PCDHB8: variants seen among roughly 807,000 people sequenced by gnomAD.
PCDHB8 encodes the protein protocadherin beta-8.
For missense variants in PCDHB8, 836 were observed against 1,004.0 expected (o/e 0.83, Z 2.26); for synonymous variants, 385 against 448.5 (o/e 0.86, Z 1.79).
chr5:141,180,088 ACT>A lies in PCDHB8; in HGVS notation c.2060_2061del (p.Leu687HisfsTer29), dbSNP rs1563928993. 4 of 1,607,528 alleles carry A rather than the reference ACT, an allele frequency of 2.5e-6. No homozygotes were observed. In the South Asian group the frequency reaches 3.3e-5, roughly 13 times the overall value. On this transcript the variant is annotated frameshift_variant, in exon 1 of 1. Transcript: ENST00000239444. LOFTEE classifies it low-confidence loss of function (END_TRUNC). ...GCTGCCCCAGCCCAGGGCCAGGCCGACTCTCTCACCGTCTACCTGGTGGTGGC... is the reference window on the plus strand; with the variant it reads ...GCTGCCCCAGCCCAGGGCCAGGCCGACTCTCACCGTCTACCTGGTGGTGGC...
At position 141,179,248 on chromosome 5, in the gene PCDHB8, T is replaced by A; in HGVS notation, c.1214T>A (p.Leu405Gln). The A allele has an allele frequency of 1.2e-6, 2 of 1,614,184 alleles. No individual in the cohort carries two copies. The highest frequency in any genetic ancestry group is 1.7e-6 in the Non-Finnish European group (2 of 1,180,006). Residue 405 changes from leucine (L) to glutamine (Q), a missense_variant, in exon 1 of 1, where the codon CTA becomes CAA. Leu to Gln is a moderately radical substitution (Grantham distance 113). Coordinates refer to ENST00000239444, the MANE Select transcript of PCDHB8 (RefSeq NM_019120.5). Reference sequence around the variant, plus strand: ...TCTGTGGGGAACTTTTACACCCTACTAACAGAGACACCACTAGACAGAGAA... The same window carrying A: ...TCTGTGGGGAACTTTTACACCCTACAAACAGAGACACCACTAGACAGAGAA... ...KSSVGNFYTLLTETPLDRESR... is the reference protein window; with the variant it reads ...KSSVGNFYTLQTETPLDRESR...
At position 141,177,956 on chromosome 5, in the gene PCDHB8, G is replaced by T. The variant is rs1349968631; in HGVS notation, c.-79G>T. 6.2e-7 allele frequency: 1 copy of T among 1,606,956 alleles called. No homozygotes were observed. Among genetic ancestry groups the T allele is most frequent in the African/African-American group, 1.4e-5 (1 of 73,868 alleles). On this transcript the variant is annotated 5_prime_UTR_variant, in exon 1 of 1. The change creates a premature stop within an existing upstream ORF in the 5' untranslated region. Transcript: ENST00000239444. ...CTGGCATATTTCTGAGGTATCTGTA[G>T]AAAACCACAGCCTCAGATACTGGGG... is the stretch of plus-strand genomic sequence containing the variant.
Position 141,180,144 on chromosome 5 carries a change from T to G in PCDHB8, c.2110T>G (p.Phe704Val), listed in dbSNP as rs112099599. 6.2e-7 allele frequency: 1 copy of G among 1,611,334 alleles called. No homozygotes were observed. The highest frequency in any genetic ancestry group is 8.5e-7 in the Non-Finnish European group (1 of 1,179,794). The change falls in exon 1 of 1, where the codon TTC becomes GTC. Residue 704 changes from phenylalanine (F) to valine (V), a missense_variant. By Grantham distance (50) the Phe-to-Val change is conservative. Coordinates refer to ENST00000239444, the MANE Select transcript of PCDHB8 (RefSeq NM_019120.5). ...GGCCTCGGTGTCTTCGCTCTTCCTC[T>G]TCTCGGTGCTCCTGTTCGTGGCGGT... ...ALASVSSLFL[F>V]SVLLFVAVLL... is the part of the protein sequence containing the mutation.
chr5:141,180,425 C>T lies in PCDHB8; in HGVS notation c.2391C>T (p.Ser797=), dbSNP rs374946875. ...NSNFRNGFGF[S]LQLK ...ACTTTAGGAATGGCTTTGGTTTCAGCCTTCAGTTAAAGTAATTGATTTCAT... is the reference window on the plus strand; with the variant it reads ...ACTTTAGGAATGGCTTTGGTTTCAGTCTTCAGTTAAAGTAATTGATTTCAT... The change falls in exon 1 of 1, where the codon AGC becomes AGT. Residue 797 remains serine, a synonymous_variant. Transcript: ENST00000239444. 6.3e-7 allele frequency: 1 copy of T among 1,582,666 alleles called. No individual in the cohort carries two copies. The highest frequency in any genetic ancestry group is 8.6e-7 in the Non-Finnish European group (1 of 1,160,064).
Position 141,179,605 on chromosome 5 carries a change from C to A in PCDHB8, c.1571C>A (p.Ala524Asp), listed in dbSNP as rs782403009. The change falls in exon 1 of 1, where the codon GCC (alanine) becomes GAC (aspartate). Residue 524 changes from alanine to aspartate, a missense_variant. Transcript: ENST00000239444. ...LFALRSLDYEALQAFEFRVGA... is the reference protein window; with the variant it reads ...LFALRSLDYEDLQAFEFRVGA... ...GCCCTCAGGTCGCTGGACTACGAGG[C>A]CCTGCAGGCGTTCGAGTTCCGGGTG... The A allele has an allele frequency of 1.9e-6, 3 of 1,613,410 alleles. No individual in the cohort carries two copies. The highest frequency in any genetic ancestry group is 2.5e-6 in the Non-Finnish European group (3 of 1,179,948).
Position 141,178,937 on chromosome 5 carries a change from A to T in PCDHB8, c.903A>T (p.Glu301Asp), listed in dbSNP as rs1554281052. The change falls in exon 1 of 1, where the codon GAA becomes GAT. Residue 301 changes from glutamate to aspartate, a missense_variant. Physicochemically the swap from Glu to Asp is conservative, Grantham distance 45. Coordinates refer to ENST00000239444, the MANE Select transcript of PCDHB8 (RefSeq NM_019120.5). ...KTFKVDFLTG[E>D]IRLKKQLDFE... ...TTAAGGTCGATTTCTTGACAGGAGA[A>T]ATTCGACTAAAGAAACAACTTGATT... 2 of 1,614,256 alleles carry T rather than the reference A, an allele frequency of 1.2e-6. No individual in the cohort carries two copies. Among genetic ancestry groups the T allele is most frequent in the African/African-American group, 2.7e-5 (2 of 75,054 alleles).
chr5:141,179,867 G>T lies in PCDHB8; in HGVS notation c.1833G>T (p.Thr611=), dbSNP rs563679514. ...AWLSYQLLKA[T]EPGLFGVWAH... ...TGTCGTACCAGCTGCTCAAGGCCAC[G>T]GAGCCCGGGCTGTTCGGTGTGTGGG... Residue 611 remains threonine (T), a synonymous_variant, in exon 1 of 1, where the codon ACG becomes ACT. Coordinates refer to ENST00000239444, the MANE Select transcript of PCDHB8 (RefSeq NM_019120.5). 10 of 1,609,816 alleles carry T rather than the reference G, an allele frequency of 6.2e-6. No homozygotes were observed. Among genetic ancestry groups the T allele is most frequent in the Non-Finnish European group, 8.5e-6 (10 of 1,179,674 alleles).
At position 141,179,976 on chromosome 5, in the gene PCDHB8, A is replaced by G; in HGVS notation, c.1942A>G (p.Asn648Asp). The G allele has an allele frequency of 1.2e-6, 2 of 1,608,756 alleles. No individual in the cohort carries two copies. The highest frequency in any genetic ancestry group is 1.7e-6 in the Non-Finnish European group (2 of 1,179,678). Residue 648 changes from asparagine to aspartate, a missense_variant, in exon 1 of 1, where the codon AAT becomes GAT. Coordinates refer to ENST00000239444, the MANE Select transcript of PCDHB8 (RefSeq NM_019120.5). ...GAGGCTGGTGGTGCTGGTCAAGGAC[A>G]ATGGCGAGCCTCCGTGCTCGGCCAC... ...KQRLVVLVKDNGEPPCSATAT... is the reference protein window; with the variant it reads ...KQRLVVLVKDDGEPPCSATAT...
rs1375589650 is a variant in PCDHB8 at position 141,180,538 on chromosome 5, T to G, written c.*98T>G. The stretch of plus-strand genomic sequence containing the variant: ...TTTTAAATTACACTACATTTGCCCA[T>G]AGTATTTGTCTTGTTTTCACTGTTT... On this transcript the variant is annotated 3_prime_UTR_variant, in exon 1 of 1. Transcript: ENST00000239444. 1.3e-5 allele frequency: 12 copies of G among 945,046 alleles called. No homozygotes were observed. The highest frequency in any genetic ancestry group is 1.8e-5 in the Non-Finnish European group (12 of 661,952). 58.5% of individuals were successfully genotyped at this position (945,046 alleles called of 1,614,324 possible).
In PCDHB8 at chr5:141,179,063, C is replaced by G; in HGVS notation, c.1029C>G (p.Asp343Glu). 1 of 1,614,242 alleles carries G rather than the reference C, an allele frequency of 6.2e-7. No homozygotes were observed. Among genetic ancestry groups the G allele is most frequent in the South Asian group, 1.1e-5 (1 of 91,082 alleles). ...TGATTCAAGTGATAGATGTGAACGA[C>G]CATGCCCCAGAAGTTACCATGTCTG... is the stretch of plus-strand genomic sequence containing the variant. ...TVLIQVIDVNDHAPEVTMSAF... is the reference protein window; with the variant it reads ...TVLIQVIDVNEHAPEVTMSAF... Residue 343 changes from aspartate (D) to glutamate (E), a missense_variant, in exon 1 of 1, where the codon GAC (aspartate) becomes GAG (glutamate). By Grantham distance (45) the Asp-to-Glu change is conservative. Transcript: ENST00000239444.
At position 141,180,014 on chromosome 5, in the gene PCDHB8, C is replaced by T; in HGVS notation, c.1980C>T (p.His660=). 4 of 1,609,142 alleles carry T rather than the reference C, an allele frequency of 2.5e-6. No homozygotes were observed. The highest frequency in any genetic ancestry group is 2.5e-6 in the Non-Finnish European group (3 of 1,179,760). The change falls in exon 1 of 1, where the codon CAC becomes CAT. Residue 660 remains histidine (H), a synonymous_variant. Transcript: ENST00000239444. The part of the protein sequence containing the change: ...EPPCSATATL[H]VLLVDGFSQP... ...CGTGCTCGGCCACCGCCACGCTGCA[C>T]GTGCTCCTGGTGGACGGCTTCTCCC... is the stretch of plus-strand genomic sequence containing the variant.
Position 141,180,475 on chromosome 5 carries a change from CA to C in PCDHB8, c.*37del. The C allele has an allele frequency of 7.3e-7, 1 of 1,376,822 alleles. No homozygotes were observed. The highest frequency in any genetic ancestry group is 9.7e-7 in the Non-Finnish European group (1 of 1,033,874). 85.3% of individuals were successfully genotyped at this position (1,376,822 alleles called of 1,614,324 possible). On this transcript the variant is annotated 3_prime_UTR_variant, in exon 1 of 1. Transcript: ENST00000239444. ...TATTATATATTTTAATTTTTATGAT[CA>C]ATTCAAAGGAATGGTTTTCTGTCAA...
Position 141,178,765 on chromosome 5 carries a change from A to G in PCDHB8, c.731A>G (p.Glu244Gly). The G allele has an allele frequency of 6.2e-7, 1 of 1,613,726 alleles. No homozygotes were observed. The highest frequency in any genetic ancestry group is 8.5e-7 in the Non-Finnish European group (1 of 1,179,880). Residue 244 changes from glutamate (E) to glycine (G), a missense_variant, in exon 1 of 1, where the codon GAG (glutamate) becomes GGG (glycine). Transcript: ENST00000239444. Reference sequence around the variant, plus strand: ...GTCAATGATAATGCCCCTGAATTTGAGCAGCCTTTCTATAGGGTGCAGATC... The same window carrying G: ...GTCAATGATAATGCCCCTGAATTTGGGCAGCCTTTCTATAGGGTGCAGATC... ...VDVNDNAPEF[E>G]QPFYRVQISE...
At position 141,180,274 on chromosome 5, in the gene PCDHB8, C is replaced by G. The variant is rs377457781; in HGVS notation, c.2240C>G (p.Ser747Cys). The part of the protein sequence containing the change: ...LVDVRGTGSL[S>C]QNYQYEVCLA... The stretch of plus-strand genomic sequence containing the variant: ...GACGTGAGGGGCACCGGGAGCCTGT[C>G]TCAGAACTATCAGTACGAGGTGTGC... Residue 747 changes from serine to cysteine, a missense_variant, in exon 1 of 1, where the codon TCT (serine) becomes TGT (cysteine). Physicochemically the swap from Ser to Cys is moderately radical, Grantham distance 112 (BLOSUM62 -1). Coordinates refer to ENST00000239444, the MANE Select transcript of PCDHB8 (RefSeq NM_019120.5). The G allele has an allele frequency of 1.4e-5, 23 of 1,614,008 alleles. No homozygotes were observed. In the Admixed American group the frequency reaches 2.8e-4, roughly 20 times the overall value.
Position 141,179,680 on chromosome 5 carries a change from G to T in PCDHB8, c.1646G>T (p.Arg549Leu). The T allele has an allele frequency of 1.2e-6, 2 of 1,612,334 alleles. No homozygotes were observed. The highest frequency in any genetic ancestry group is 1.7e-6 in the Non-Finnish European group (2 of 1,179,828). ...GCTTTGAGCAGCGAGGCGCTGGTGC[G>T]CGTGCTGGTGCTGGACGCCAACGAC... ...SPALSSEALV[R>L]VLVLDANDNS... Residue 549 changes from arginine (R) to leucine (L), a missense_variant, in exon 1 of 1, where the codon CGC becomes CTC. By Grantham distance (102) the Arg-to-Leu change is moderately radical. Transcript: ENST00000239444.
chr5:141,178,954 A>G lies in PCDHB8; in HGVS notation c.920A>G (p.Gln307Arg), dbSNP rs1344118246. 6 of 1,614,134 alleles carry G rather than the reference A, an allele frequency of 3.7e-6. No homozygotes were observed. The highest frequency in any genetic ancestry group is 1.7e-5 in the Admixed American group (1 of 60,002). The change falls in exon 1 of 1, where the codon CAA becomes CGA. Residue 307 changes from glutamine (Q) to arginine (R), a missense_variant. Gln to Arg is a conservative substitution (Grantham distance 43). Coordinates refer to ENST00000239444, the MANE Select transcript of PCDHB8 (RefSeq NM_019120.5). ...FLTGEIRLKK[Q>R]LDFEKFQSYE... Reference sequence around the variant, plus strand: ...ACAGGAGAAATTCGACTAAAGAAACAACTTGATTTCGAAAAATTTCAGTCC... The same window carrying G: ...ACAGGAGAAATTCGACTAAAGAAACGACTTGATTTCGAAAAATTTCAGTCC...
Position 141,180,264 on chromosome 5 carries a change from G to A in PCDHB8, c.2230G>A (p.Gly744Arg), listed in dbSNP as rs781908910. 2 of 1,613,770 alleles carry A rather than the reference G, an allele frequency of 1.2e-6. No individual in the cohort carries two copies. Among genetic ancestry groups the A allele is most frequent in the Non-Finnish European group, 1.7e-6 (2 of 1,179,978 alleles). The change falls in exon 1 of 1, where the codon GGG (glycine) becomes AGG (arginine). Residue 744 changes from glycine (G) to arginine (R), a missense_variant. Gly to Arg is a moderately radical substitution (Grantham distance 125, BLOSUM62 -2). Transcript: ENST00000239444. ...PGHLVDVRGT[G>R]SLSQNYQYEV... The stretch of plus-strand genomic sequence containing the variant: ...GCATCTGGTGGACGTGAGGGGCACC[G>A]GGAGCCTGTCTCAGAACTATCAGTA...
Position 141,179,311 on chromosome 5 carries a change from A to G in PCDHB8, c.1277A>G (p.Asp426Gly). 2 of 1,614,242 alleles carry G rather than the reference A, an allele frequency of 1.2e-6. No homozygotes were observed. Among genetic ancestry groups the G allele is most frequent in the Non-Finnish European group, 1.7e-6 (2 of 1,180,054 alleles). Residue 426 changes from aspartate to glycine, a missense_variant, in exon 1 of 1, where the codon GAC becomes GGC. By Grantham distance (94) the Asp-to-Gly change is moderately conservative (BLOSUM62 -1). Transcript: ENST00000239444. ...AEYNVTITVT[D>G]LGTPRLTTHL... ...TACAACGTCACTATCACCGTCACTG[A>G]CTTAGGGACACCCAGGCTGACAACA... is the stretch of plus-strand genomic sequence containing the variant.
rs1475162943 is a variant in PCDHB8 at position 141,179,939 on chromosome 5, C to G, written c.1905C>G (p.Asp635Glu). ...CCGCCAGGCTGCTGAGCGAGCGCGACGCGGCCAAGCAGAGGCTGGTGGTGC... is the reference window on the plus strand; with the variant it reads ...CCGCCAGGCTGCTGAGCGAGCGCGAGGCGGCCAAGCAGAGGCTGGTGGTGC... ...VRTARLLSER[D>E]AAKQRLVVLV... is the part of the protein sequence containing the mutation. The change falls in exon 1 of 1, where the codon GAC becomes GAG. Residue 635 changes from aspartate to glutamate, a missense_variant. Physicochemically the swap from Asp to Glu is conservative, Grantham distance 45 (BLOSUM62 2). Transcript: ENST00000239444. 1.2e-6 allele frequency: 2 copies of G among 1,608,744 alleles called. No individual in the cohort carries two copies. Among genetic ancestry groups the G allele is most frequent in the Non-Finnish European group, 1.7e-6 (2 of 1,179,578 alleles).
Sources: gnomAD v4.1 joint callset for allele counts on GRCh38, gnomAD v4.1.1 for gene constraint, MANE v1.5 for transcripts, NCBI Gene and HGNC (gene_info 2026-07-23, HGNC 2026-07-21) for gene names.